NELL2: variants seen among roughly 807,000 people sequenced by gnomAD.
NELL2 encodes protein kinase C-binding protein NELL2.
A neutral mutation model predicts 109.6 loss-of-function variants in NELL2; 41 were observed. That is an observed-to-expected ratio of 0.37 (90% CI 0.29 to 0.49). The LOEUF (loss-of-function observed/expected upper bound fraction) is 0.49. NELL2 is among the 20% of genes least tolerant of loss of function. NELL2 has a pLI of 0.98. For missense variants in NELL2, 900 were observed against 1,008.3 expected, an observed-to-expected ratio of 0.89 and a Z score of 1.45; for synonymous variants, 355 against 344.7, an observed-to-expected ratio of 1.03 and a Z score of -0.33.
intron 9 of NELL2, among the ~76,000 whole-genome samples, chr12:44,732,078 C>T (rs1274889871): frequency 1.3e-5 from 2 of 151,886 alleles, no homozygotes; most frequent in Non-Finnish European, 2.9e-5. Flanking sequence ...TTTAAAAAGA[C>T]ATTAAAAAAT....
intron 2 of NELL2, 102 bp from the exon 3 acceptor site, chr12:44,816,238 A>T: frequency 2.1e-6 from 2 of 961,228 alleles, no homozygotes; most frequent in Non-Finnish European, 3.0e-6. Flanking sequence ...GTTTATCAGT[A>T]GCAGCTGATA....
At chr12:44,702,846 G>C (rs1273494596) in intron 12 of NELL2, among the ~76,000 whole-genome samples, 7 of 152,140 alleles carry the variant, frequency 4.6e-5, no homozygotes, top group Admixed American at 1.3e-4. Context: ...GGAAACAACA[G>C]AAGTTGGTTT....
At chr12:44,542,344 C>G (rs1327795310) in intron 15 of NELL2, among the ~76,000 whole-genome samples, 3 of 150,052 alleles carry the variant, frequency 2.0e-5, no homozygotes, top group Non-Finnish European at 4.4e-5. Context: ...GTTTGAATTC[C>G]CTGGGGATCT....
chr12:44,557,447 A>G (rs140952875), intron 15 of NELL2, among the ~76,000 whole-genome samples: 148 of 152,280 alleles, frequency 9.7e-4, no homozygotes, highest in African/African-American at 3.2e-3. Context: ...ATATTAGAGA[A>G]AGGAAGAACA....
chr12:44,819,558 G>A (rs1476501236), intron 2 of NELL2, among the ~76,000 whole-genome samples: 2 of 152,134 alleles, frequency 1.3e-5, no homozygotes, highest in African/African-American at 2.4e-5. Context: ...GGTGCTTAAC[G>A]AAGTGCTTAA....
intron 1 of NELL2, among the ~76,000 whole-genome samples, chr12:44,891,232 C>T (rs1945530666): frequency 6.6e-6 from 1 of 152,172 alleles, no homozygotes; most frequent in African/African-American, 2.4e-5. Context: ...TTTGAGTTTA[C>T]TAGGCCTACC....
chr12:44,739,864 T>G (rs922903425), intron 9 of NELL2, among the ~76,000 whole-genome samples: 1 of 152,122 alleles, frequency 6.6e-6, no homozygotes, highest in African/African-American at 2.4e-5. Context: ...CACTCCAGCA[T>G]GGGTGACACA....
chr12:44,740,956 G>C (rs147993936), intron 9 of NELL2, among the ~76,000 whole-genome samples: 348 of 152,242 alleles, frequency 2.3e-3, no homozygotes, highest in African/African-American at 7.9e-3. Flanking sequence ...AATTATAACA[G>C]CTAACACTTA....
intron 15 of NELL2, among the ~76,000 whole-genome samples, chr12:44,603,447 C>A (rs925272452): frequency 1.3e-5 from 2 of 152,148 alleles, no homozygotes; most frequent in Non-Finnish European, 2.9e-5. Context: ...TCATCAGACA[C>A]ATATTTGCTG....
At chr12:44,662,598 T>C (rs542381694) in intron 13 of NELL2, among the ~76,000 whole-genome samples, 1 of 152,322 alleles carries the variant, frequency 6.6e-6, no homozygotes, top group African/African-American at 2.4e-5. Context: ...TCAAATCATC[T>C]GAAACTGAAA....
In NELL2 at chr12:44,523,492, C is replaced by T. The variant is rs200328352; in HGVS notation, c.1805-8G>A. 6.2e-7 allele frequency: 1 copy of T among 1,611,408 alleles called. No individual in the cohort carries two copies. The highest frequency in any genetic ancestry group is 8.5e-7 in the Non-Finnish European group (1 of 1,179,790). ...TCCCACACTCATCAATATCTATAGA[C>T]AAGAAAAAGCAGCACTCAATGTGCT... On this transcript the variant is annotated splice_polypyrimidine_tract_variant and splice_region_variant and intron_variant, in intron 16 of 19. Coordinates refer to ENST00000429094, the MANE Select transcript of NELL2 (RefSeq NM_001145108.2).
At chr12:44,607,489 A>C (rs1308741193) in intron 14 of NELL2, among the ~76,000 whole-genome samples, 1 of 152,158 alleles carries the variant, frequency 6.6e-6, no homozygotes, top group East Asian at 1.9e-4. Context: ...TTAAAACAAA[A>C]TACTGAAATT....
intron 2 of NELL2, among the ~76,000 whole-genome samples, chr12:44,847,998 T>A (rs112251797): frequency 7.3e-6 from 1 of 137,432 alleles, no homozygotes; most frequent in African/African-American, 2.8e-5. Flanking sequence ...CACCACTGCA[T>A]CCGGTCTGGG....
rs1054591876 is a variant in NELL2, at chr12:44,875,517, C to A, written c.56-164G>T. On this transcript the variant is annotated intron_variant, in intron 1 of 19. Transcript: ENST00000429094. ...CGCCGAGAGCCTTACCTGAGATCAG[C>A]AGCCAAGCTTTAAATAGCGGAGCAC... 6 of 1,613,912 alleles carry A rather than the reference C, an allele frequency of 3.7e-6. No individual in the cohort carries two copies. The Admixed American group carries it at 8.3e-5, about 22-fold the overall frequency.
At chr12:44,816,238 AGCAG>A in intron 2 of NELL2, 102 bp from the exon 3 acceptor site, 22 of 961,124 alleles carry the variant, frequency 2.3e-5, no homozygotes, top group African/African-American at 3.3e-5. Flanking sequence ...GTTTATCAGT[AGCAG>A]CTGATAAATA....
At chr12:44,689,748 T>C (rs910661446) in intron 12 of NELL2, among the ~76,000 whole-genome samples, 1 of 152,174 alleles carries the variant, frequency 6.6e-6, no homozygotes, top group Admixed American at 6.5e-5. Context: ...TTGTCACAGC[T>C]AGGAATGTGG....
intron 2 of NELL2, among the ~76,000 whole-genome samples, chr12:44,822,454 C>T (rs1165445677): frequency 6.6e-6 from 1 of 152,126 alleles, no homozygotes; most frequent in Non-Finnish European, 1.5e-5. Context: ...AACATACAAT[C>T]CTGCCTACCC....
At chr12:44,550,358 A>G (rs1942984374) in intron 15 of NELL2, among the ~76,000 whole-genome samples, 1 of 151,990 alleles carries the variant, frequency 6.6e-6, no homozygotes, top group African/African-American at 2.4e-5. Flanking sequence ...CCTTCACTGC[A>G]GCATTATTAA....
At chr12:44,837,307 A>G (rs1185660617) in intron 2 of NELL2, among the ~76,000 whole-genome samples, 2 of 152,184 alleles carry the variant, frequency 1.3e-5, no homozygotes, top group Non-Finnish European at 2.9e-5. Flanking sequence ...GCTTCTGTGT[A>G]TATCACGTGA....
Sources: gnomAD v4.1 joint callset for allele counts (sites outside exome capture counted in the v4.1 genomes callset) on GRCh38, gnomAD v4.1.1 for gene constraint, MANE v1.5 for transcripts, NCBI Gene and HGNC (gene_info 2026-07-23, HGNC 2026-07-21) for gene names.